ATF7IP: variants seen among roughly 807,000 people sequenced by gnomAD.
ATF7IP encodes the protein activating transcription factor 7-interacting protein 1.
In ATF7IP, 23 loss-of-function variants were observed where a neutral mutation model predicts 106.4. The observed-to-expected ratio is 0.22, with a 90% confidence interval of 0.16 to 0.31. The LOEUF (loss-of-function observed/expected upper bound fraction) is 0.31. ATF7IP is among the 10% of genes least tolerant of loss of function. The pLI is 1.00. For missense variants in ATF7IP, 1,334 were observed against 1,524.3 expected (o/e 0.88, Z 2.08); for synonymous variants, 542 against 539.0 (o/e 1.01, Z -0.08).
chr12:14,382,974 T>G (rs35309068), intron 1 of ATF7IP, among the ~76,000 whole-genome samples: 61,780 of 151,970 alleles, frequency 0.41, 13,274 homozygotes, highest in East Asian at 0.6. Context: ...TATAATAGGA[T>G]AGTTTCTTTG....
At chr12:14,401,398 T>C (rs1472590635) in intron 1 of ATF7IP, among the ~76,000 whole-genome samples, 1 of 152,174 alleles carries the variant, frequency 6.6e-6, no homozygotes, top group African/African-American at 2.4e-5. Flanking sequence ...GATTTCACCA[T>C]GTTGGCCAGG....
At chr12:14,413,521 T>C (rs1294951161) in intron 1 of ATF7IP, among the ~76,000 whole-genome samples, 1 of 152,214 alleles carries the variant, frequency 6.6e-6, no homozygotes, top group African/African-American at 2.4e-5. Flanking sequence ...AGGGTTCCTG[T>C]GCTGAAGAAA....
In ATF7IP at chr12:14,436,134, A is replaced by G. The variant is rs773609365; in HGVS notation, c.1674A>G (p.Lys558=). The part of the protein sequence containing the change: ...KNEFSRRKRS[K]SEDMDNVQSK... The stretch of plus-strand genomic sequence containing the variant: ...AATTTTCTAGACGAAAACGTTCTAA[A>G]TCAGAAGACATGGACAATGTACAGT... The change falls in exon 4 of 15, where the codon AAA becomes AAG. Residue 558 remains lysine, a synonymous_variant. Coordinates refer to ENST00000261168, the MANE Select transcript of ATF7IP (RefSeq NM_018179.5). The G allele has an allele frequency of 6.2e-7, 1 of 1,613,098 alleles. No homozygotes were observed. Among genetic ancestry groups the G allele is most frequent in the African/African-American group, 1.3e-5 (1 of 74,890 alleles).
At chr12:14,418,202 A>G (rs1365610074) in intron 1 of ATF7IP, among the ~76,000 whole-genome samples, 1 of 152,022 alleles carries the variant, frequency 6.6e-6, no homozygotes, top group Non-Finnish European at 1.5e-5. Flanking sequence ...GGTTATTTAA[A>G]TATAAATTTC....
chr12:14,450,490 T>C (rs1943161348), intron 6 of ATF7IP, among the ~76,000 whole-genome samples: 1 of 152,244 alleles, frequency 6.6e-6, no homozygotes, highest in Non-Finnish European at 1.5e-5. Context: ...TCTTGACCTA[T>C]CCTTGCATTC....
In ATF7IP at chr12:14,375,768, C is replaced by T. The variant is rs148378108; in HGVS notation, c.-8+9941C>T. 6.8e-3 allele frequency among the ~76,000 whole-genome samples: 1,029 copies of T among 152,256 alleles called. 10 individuals carry two copies. Among genetic ancestry groups the T allele is most frequent in the Non-Finnish European group, 9.8e-3 (667 of 68,024 alleles). ...TATATAAAATGCTTAGCATCTGTGCCTCACACATATCTCTAGCTTTAATCA... is the reference window on the plus strand; with the variant it reads ...TATATAAAATGCTTAGCATCTGTGCTTCACACATATCTCTAGCTTTAATCA... On this transcript the variant is annotated intron_variant, in intron 1 of 14. Coordinates refer to ENST00000261168, the MANE Select transcript of ATF7IP (RefSeq NM_018179.5).
rs1945163886 is a variant in ATF7IP at position 14,501,701 on chromosome 12, C to G, written c.*3628C>G. On this transcript the variant is annotated 3_prime_UTR_variant, in exon 15 of 15. Transcript: ENST00000261168. ...AGAGAGGTGTTCCCCACTCCCATCC[C>G]CATTGCCAGATAATAAATATTTTGA... is the stretch of plus-strand genomic sequence containing the variant. 2 of 152,124 alleles carry G rather than the reference C, an allele frequency of 1.3e-5. No homozygotes were observed. The highest frequency in any genetic ancestry group is 2.9e-5 in the Non-Finnish European group (2 of 68,022). 9.4% of individuals were successfully genotyped at this position (152,124 alleles called of 1,614,324 possible).
Position 14,425,288 on chromosome 12 carries a change from T to C in ATF7IP, c.1373T>C (p.Leu458Pro). The change falls in exon 2 of 15, where the codon CTT (leucine) becomes CCT (proline). Residue 458 changes from leucine (L) to proline (P), a missense_variant. Physicochemically the swap from Leu to Pro is moderately conservative, Grantham distance 98 (BLOSUM62 -3). Around this residue, in one of 10 missense-constraint regions of ATF7IP, gnomAD observed 41 missense variants for 60.4 expected, o/e 0.68. Transcript: ENST00000261168. ...ACTTGCTTTTCTAAAACATCTCTCC[T>C]TCCAATCGATGAGACAAATCCAGAT... ...ELTCFSKTSL[L>P]PIDETNPDLE... 1.9e-6 allele frequency: 3 copies of C among 1,602,722 alleles called. No homozygotes were observed. Among genetic ancestry groups the C allele is most frequent in the Non-Finnish European group, 2.5e-6 (3 of 1,176,546 alleles).
At chr12:14,460,469 C>A (rs200932618) in intron 8 of ATF7IP, 26 bp from the exon 9 acceptor site, 711 of 1,580,082 alleles carry the variant, frequency 4.5e-4, no homozygotes, top group Non-Finnish European at 5.7e-4. Context: ...ACCATTTAAA[C>A]TGAGGCTTCT....
chr12:14,487,253 C>A (rs10846005), intron 13 of ATF7IP, among the ~76,000 whole-genome samples: 1 of 149,004 alleles, frequency 6.7e-6, no homozygotes, highest in Admixed American at 6.6e-5. Flanking sequence ...ATATCCATCC[C>A]CATGCCTGTT....
At chr12:14,431,766 A>G (rs182891522) in intron 2 of ATF7IP, among the ~76,000 whole-genome samples, 39 of 152,282 alleles carry the variant, frequency 2.6e-4, no homozygotes, top group African/African-American at 2.4e-5. Flanking sequence ...AATTATGTCT[A>G]AAGTTGTCTG....
chr12:14,481,273 T>C, intron 13 of ATF7IP, 88 bp downstream of exon 13: 1 of 1,405,566 alleles, frequency 7.1e-7, no homozygotes, highest in Non-Finnish European at 9.7e-7. Context: ...TGTTAAATTT[T>C]GCAAAAATTT....
chr12:14,464,276 G>T (rs1235480566), intron 9 of ATF7IP, among the ~76,000 whole-genome samples: 1 of 152,232 alleles, frequency 6.6e-6, no homozygotes, highest in African/African-American at 2.4e-5. Context: ...AGTGAGCCAT[G>T]GTCGTGCCAC....
chr12:14,461,277 G>C (rs965761934), intron 9 of ATF7IP, 144 bp downstream of exon 9: 4 of 764,830 alleles, frequency 5.2e-6, no homozygotes, highest in Admixed American at 3.4e-5. Flanking sequence ...TAATTTTTTA[G>C]ATACCTGAGA....
At chr12:14,494,009 A>G (rs1222439501) in intron 13 of ATF7IP, among the ~76,000 whole-genome samples, 1 of 151,962 alleles carries the variant, frequency 6.6e-6, no homozygotes, top group Admixed American at 6.6e-5. Flanking sequence ...GTATAGAGTC[A>G]CTAAACTCCT....
At chr12:14,405,401 ATCTTTTTTTT>A (rs1940512251) in intron 1 of ATF7IP, among the ~76,000 whole-genome samples, 1 of 93,020 alleles carries the variant, frequency 1.1e-5, no homozygotes, top group Non-Finnish European at 2.2e-5. Context: ...TTTTTCTTTC[ATCTTTTTTTT>A]TTTTTTTTTT....
At chr12:14,411,477 G>A (rs904863643) in intron 1 of ATF7IP, among the ~76,000 whole-genome samples, 2 of 151,640 alleles carry the variant, frequency 1.3e-5, no homozygotes, top group Admixed American at 1.3e-4. Flanking sequence ...CATGGCACTT[G>A]TATACCTATG....
intron 1 of ATF7IP, among the ~76,000 whole-genome samples, chr12:14,402,127 C>CTTTTTT (rs11297116): frequency 1.2e-4 from 12 of 101,854 alleles, no homozygotes; most frequent in South Asian, 3.5e-4. Flanking sequence ...TTTCTTCTTT[C>CTTTTTT]TTTTTTTTTT....
At chr12:14,439,647 A>G (rs776110458) in intron 5 of ATF7IP, among the ~76,000 whole-genome samples, 1 of 152,138 alleles carries the variant, frequency 6.6e-6, no homozygotes, top group African/African-American at 2.4e-5. Flanking sequence ...CCTGGCCAAT[A>G]TGGTGAAACC....
Sources: allele counts gnomAD v4.1 joint callset (sites outside exome capture counted in the v4.1 genomes callset), GRCh38; gene constraint gnomAD v4.1.1; regional missense constraint gnomAD v4.1.1; transcripts MANE v1.5; gene names NCBI Gene and HGNC (gene_info 2026-07-23, HGNC 2026-07-21).